Variants in G3BP2 observed in about 807,000 individuals in gnomAD.
The protein encoded by G3BP2 is G3BP stress granule assembly factor 2.
A neutral mutation model predicts 56.7 loss-of-function variants in G3BP2; 11 were observed. The observed-to-expected ratio is 0.19, with a 90% CI of 0.12 to 0.32. The LOEUF (loss-of-function observed/expected upper bound fraction) is 0.32, where lower values mean the gene tolerates loss of function less well. Ranked by LOEUF, G3BP2 falls within the 10% of genes least tolerant of loss-of-function variation. G3BP2 has a pLI of 1.00. For missense variants in G3BP2, 340 were observed against 610.9 expected, an observed-to-expected ratio of 0.56 and a Z score of 4.67; for synonymous variants, 165 against 191.6, an observed-to-expected ratio of 0.86 and a Z score of 1.15.
chr4:75,673,778 TG>T, upstream of G3BP2: 1 of 399,744 alleles, frequency 2.5e-6, no homozygotes, highest in African/African-American at 2.1e-5. Flanking sequence ...TTTTTATTAA[TG>T]GGAAGGAGGG....
intron 11 of G3BP2, 125 bp downstream of exon 11, chr4:75,646,213 A>C: frequency 1.6e-6 from 1 of 615,706 alleles, no homozygotes. Context: ...TTCTTTGCAT[A>C]AATACCATTT....
intron 3 of G3BP2, among the ~76,000 whole-genome samples, chr4:75,684,139 C>T (rs1560412399): frequency 1.3e-5 from 2 of 152,308 alleles, no homozygotes; most frequent in East Asian, 3.9e-4. Context: ...GGTGCGGTGG[C>T]TCATGCCTGT....
chr4:75,645,400 C>A lies in G3BP2; in HGVS notation c.*30G>T. 1 of 1,590,784 alleles carries A rather than the reference C, an allele frequency of 6.3e-7. No homozygotes were observed. The highest frequency in any genetic ancestry group is 8.6e-7 in the Non-Finnish European group (1 of 1,167,676). ...AATGCAAACACGATGAATAATGTAC[C>A]ACTGCCAAGACTTTGCCAACAGTGG... On this transcript the variant is annotated 3_prime_UTR_variant, in exon 12 of 12. Coordinates refer to ENST00000359707, the MANE Select transcript of G3BP2 (RefSeq NM_203505.3).
chr4:75,673,778 T>C (rs1578416730), upstream of G3BP2: 1 of 399,744 alleles, frequency 2.5e-6, no homozygotes, highest in East Asian at 4.2e-5. Flanking sequence ...TTTTTATTAA[T>C]GGGAAGGAGG....
intron 1 of G3BP2, among the ~76,000 whole-genome samples, chr4:75,671,796 G>A (rs1733508618): frequency 1.3e-5 from 2 of 152,170 alleles, no homozygotes; most frequent in African/African-American, 4.8e-5. Context: ...CAATCCTGAG[G>A]TTCAAACTCA....
intron 8 of G3BP2, among the ~76,000 whole-genome samples, chr4:75,649,592 C>A (rs529547803): frequency 6.6e-6 from 1 of 152,108 alleles, no homozygotes; most frequent in Non-Finnish European, 1.5e-5. Flanking sequence ...TATTCCCAAC[C>A]TCTTCAGACC....
rs530752812 is a variant in G3BP2 at position 75,723,018 on chromosome 4, T to C, written c.-165-774A>G. On this transcript the variant is annotated intron_variant, in intron 1 of 3. Transcript: ENST00000499709. The stretch of plus-strand genomic sequence containing the variant: ...GCAAGCATTTATTCAATGTACACCA[T>C]ATACAGTATCAATAACTGCAAAGTG... Among the ~76,000 whole-genome samples the C allele has an allele frequency of 3.3e-5, 5 of 152,334 alleles. No homozygotes were observed. The East Asian group carries it at 9.6e-4, about 29-fold the overall frequency.
intron 3 of G3BP2, among the ~76,000 whole-genome samples, chr4:75,701,705 G>A (rs1560419643): frequency 6.6e-6 from 1 of 152,216 alleles, no homozygotes; most frequent in Non-Finnish European, 1.5e-5. Context: ...TGGGATTGCA[G>A]GCGTGACCTG....
intron 3 of G3BP2, among the ~76,000 whole-genome samples, chr4:75,700,057 T>C (rs557599837): frequency 3.3e-5 from 5 of 152,274 alleles, no homozygotes; most frequent in Admixed American, 1.3e-4. Flanking sequence ...GGATATATGA[T>C]ATGAATTTTT....
At chr4:75,655,983 A>G (rs921046000) in intron 5 of G3BP2, 113 bp from the exon 6 acceptor site, 9 of 585,326 alleles carry the variant, frequency 1.5e-5, no homozygotes, top group Non-Finnish European at 2.7e-5. Flanking sequence ...AAATTTGACA[A>G]TTTTCTTTCC....
chr4:75,715,580 T>C (rs987062627), intron 3 of G3BP2, among the ~76,000 whole-genome samples: 2 of 152,066 alleles, frequency 1.3e-5, no homozygotes, highest in East Asian at 3.9e-4. Flanking sequence ...TCCCAGGTTG[T>C]CAGAAAAAAA....
At chr4:75,690,387 G>A (rs1380753408) in intron 3 of G3BP2, among the ~76,000 whole-genome samples, 4 of 150,972 alleles carry the variant, frequency 2.6e-5, no homozygotes, top group South Asian at 2.1e-4. Context: ...AGCCAAGACC[G>A]TGCTATTGCA....
chr4:75,694,461 G>T (rs186641533), intron 3 of G3BP2, among the ~76,000 whole-genome samples: 1 of 152,314 alleles, frequency 6.6e-6, no homozygotes. Context: ...AAAATTAGCC[G>T]GGCGTGGTGG....
At chr4:75,721,861 C>G (rs187434272) in intron 2 of G3BP2, among the ~76,000 whole-genome samples, 92 of 151,898 alleles carry the variant, frequency 6.1e-4, no homozygotes, top group Non-Finnish European at 1.1e-3. Context: ...AGAAAAAGAT[C>G]ACTCTTAATT....
intron 8 of G3BP2, among the ~76,000 whole-genome samples, chr4:75,650,686 A>G (rs1483037307): frequency 6.6e-6 from 1 of 151,980 alleles, no homozygotes; most frequent in African/African-American, 2.4e-5. Flanking sequence ...ATATGTATTT[A>G]CTCCTATAAA....
At position 75,673,384 on chromosome 4, in the gene G3BP2, C is replaced by T. The variant is rs929215784; in HGVS notation, c.-201G>A. The T allele has an allele frequency of 8.1e-7, 1 of 1,232,228 alleles. No homozygotes were observed. The highest frequency in any genetic ancestry group is 1.0e-6 in the Non-Finnish European group (1 of 988,022). The allele number at this position is 1,232,228 out of a possible 1,614,324, so 76.3% of individuals were successfully genotyped here. A position where few individuals can be genotyped will look rare whatever the true frequency, so the allele number is the denominator to read the frequency against. Reference sequence around the variant, plus strand: ...ACCACCTCTTCCCGGGCGCCAGGCGCTGCGACGTGCGACAAGGACCACGGA... The same window carrying T: ...ACCACCTCTTCCCGGGCGCCAGGCGTTGCGACGTGCGACAAGGACCACGGA... On this transcript the variant is annotated 5_prime_UTR_variant, in exon 1 of 12. Coordinates refer to ENST00000359707, the MANE Select transcript of G3BP2 (RefSeq NM_203505.3).
At chr4:75,672,813 C>T (rs1244963701) in intron 1 of G3BP2, 2 of 163,462 alleles carry the variant, frequency 1.2e-5, no homozygotes, top group African/African-American at 4.8e-5. Context: ...GGCTACCCAC[C>T]CTAAAACATC....
chr4:75,692,084 C>G (rs1485767403), intron 3 of G3BP2, among the ~76,000 whole-genome samples: 3 of 152,120 alleles, frequency 2.0e-5, no homozygotes, highest in African/African-American at 7.2e-5. Context: ...GCTGCCTTTC[C>G]TTTTGTCTTT....
chr4:75,673,527 T>C (rs2149051577), upstream of G3BP2: 3 of 1,230,448 alleles, frequency 2.4e-6, no homozygotes, highest in East Asian at 3.2e-5. Context: ...GGACCCAACC[T>C]TCCCGTGTCC....
Sources: gnomAD v4.1 joint callset for allele counts (sites outside exome capture counted in the v4.1 genomes callset) on GRCh38, gnomAD v4.1.1 for gene constraint, MANE v1.5 for transcripts, NCBI Gene and HGNC (gene_info 2026-07-23, HGNC 2026-07-21) for gene names.